The following SRPK1 variants were observed in gnomAD, a reference collection of about 807,000 sequenced individuals.
The protein encoded by SRPK1 is SFRS protein kinase 1.
In SRPK1, 52 loss-of-function variants were observed where a neutral mutation model predicts 89.5. The ratio of observed to expected loss-of-function variants is 0.58; its 90% CI spans 0.46 to 0.73. The LOEUF is 0.73. SRPK1 is among the 30% of genes least tolerant of loss of function. The probability of loss-of-function intolerance (pLI) is 0.00; values close to 1 mark genes in which losing one functional copy is unlikely to be tolerated. For missense variants in SRPK1, 603 were observed against 780.6 expected (o/e 0.77, Z 2.71); for synonymous variants, 255 against 270.2 (o/e 0.94, Z 0.55).
intron 5 of SRPK1, among the ~76,000 whole-genome samples, chr6:35,887,414 A>T (rs778006540): frequency 2.6e-5 from 4 of 152,202 alleles, no homozygotes; most frequent in Non-Finnish European, 5.9e-5. Flanking sequence ...TTCTCACTTT[A>T]TGAATAAAAA....
In SRPK1 at chr6:35,913,262, A is replaced by G. The variant is rs372895822; in HGVS notation, c.74+7206T>C. Among the ~76,000 whole-genome samples the G allele has an allele frequency of 3.3e-5, 5 of 152,350 alleles. No homozygotes were observed. The South Asian group carries it at 8.3e-4, about 25-fold the overall frequency. On this transcript the variant is annotated intron_variant, in intron 2 of 15. Coordinates refer to ENST00000373825, the MANE Select transcript of SRPK1 (RefSeq NM_003137.5). ...AACTACAGAGGAAGAAGAGAACAAA[A>G]TATTTTCTGACAAGAGAAGTTCTAG... is the stretch of plus-strand genomic sequence containing the variant.
chr6:35,911,690 G>A (rs964914524), intron 2 of SRPK1, among the ~76,000 whole-genome samples: 20 of 151,978 alleles, frequency 1.3e-4, no homozygotes, highest in Admixed American at 3.9e-4. Flanking sequence ...CTCGGCCTCC[G>A]AAGTAGCTAG....
chr6:35,860,588 A>G (rs1239851036), intron 12 of SRPK1, among the ~76,000 whole-genome samples: 1 of 152,226 alleles, frequency 6.6e-6, no homozygotes. Flanking sequence ...TTTACTTGCT[A>G]AAATATTTAT....
At chr6:35,873,733 GC>G (rs968386216) in intron 7 of SRPK1, among the ~76,000 whole-genome samples, 2 of 152,044 alleles carry the variant, frequency 1.3e-5, no homozygotes, top group African/African-American at 4.8e-5. Context: ...CAGGTGATCT[GC>G]CCGCCTCGGC....
At chr6:35,909,887 G>T (rs1222292238) in intron 2 of SRPK1, among the ~76,000 whole-genome samples, 2 of 152,192 alleles carry the variant, frequency 1.3e-5, no homozygotes, top group Non-Finnish European at 2.9e-5. Flanking sequence ...TAAGCCTGTG[G>T]AACTGTGAGT....
At position 35,896,294 on chromosome 6, in the gene SRPK1, G is replaced by T. The variant is rs529656039; in HGVS notation, c.75-5281C>A. Reference sequence around the variant, plus strand: ...TGGTATCTGCTGCAGAACTGATTGGGTGGTGTATGGCAGGGGAAAAAGTCT... The same window carrying T: ...TGGTATCTGCTGCAGAACTGATTGGTTGGTGTATGGCAGGGGAAAAAGTCT... On this transcript the variant is annotated intron_variant, in intron 2 of 15. Transcript: ENST00000373825. Among the ~76,000 whole-genome samples the T allele has an allele frequency of 2.8e-4, 42 of 152,324 alleles. 1 individual carries two copies. The highest frequency in any genetic ancestry group is 2.7e-3 in the Admixed American group (41 of 15,294).
intron 12 of SRPK1, among the ~76,000 whole-genome samples, chr6:35,864,903 A>T (rs1482487841): frequency 6.6e-6 from 1 of 152,188 alleles, no homozygotes; most frequent in Non-Finnish European, 1.5e-5. Context: ...GGAACTGGAG[A>T]TCATTATGTT....
At chr6:35,917,794 G>A (rs548992280) in intron 2 of SRPK1, among the ~76,000 whole-genome samples, 1 of 152,136 alleles carries the variant, frequency 6.6e-6, no homozygotes, top group Non-Finnish European at 1.5e-5. Flanking sequence ...TCATTTAAAC[G>A]CTTTGTTTTT....
intron 2 of SRPK1, among the ~76,000 whole-genome samples, chr6:35,913,270 T>C (rs1771012313): frequency 6.6e-6 from 1 of 152,196 alleles, no homozygotes; most frequent in Non-Finnish European, 1.5e-5. Flanking sequence ...AAATATTTTC[T>C]GACAAGAGAA....
Position 35,861,781 on chromosome 6 carries a change from G to A in SRPK1, c.1513-4413C>T, listed in dbSNP as rs2127238565. Among the ~76,000 whole-genome samples the A allele has an allele frequency of 1.3e-5, 2 of 152,336 alleles. 1 individual carries two copies. Among genetic ancestry groups the A allele is most frequent in the South Asian group, 4.1e-4 (2 of 4,824 alleles). ...TCTCCTATGCATACCTAAGACAACA[G>A]GCTTTTTTGAGACTGAGACTTGAGT... On this transcript the variant is annotated intron_variant, in intron 12 of 15. Transcript: ENST00000373825.
At position 35,833,093 on chromosome 6, in the gene SRPK1, C is replaced by T. The variant is rs536907279; in HGVS notation, c.*2211G>A. ...TTACAAAGAAAACAGACAATGCCCT[C>T]AGTAGAAAGAATAAAAATGTATTTA... On this transcript the variant is annotated 3_prime_UTR_variant, in exon 16 of 16. Transcript: ENST00000373825. 6.5e-6 allele frequency: 1 copy of T among 152,702 alleles called. No homozygotes were observed. Among genetic ancestry groups the T allele is most frequent in the East Asian group, 1.9e-4 (1 of 5,190 alleles). 9.5% of individuals were successfully genotyped at this position (152,702 alleles called of 1,614,324 possible). A position where few individuals can be genotyped will look rare whatever the true frequency, so the allele number is the denominator to read the frequency against.
Position 35,869,020 on chromosome 6 carries a change from G to C in SRPK1, c.1502C>G (p.Ala501Gly). The part of the protein sequence containing the change: ...LKVKIADLGN[A>G]CWVHKHFTED... The stretch of plus-strand genomic sequence containing the variant: ...GCAAGTTTAACTTACCACCCAACAA[G>C]CATTTCCAAGGTCAGCAATCTTCAC... Residue 501 changes from alanine (A) to glycine (G), a missense_variant, in exon 12 of 16, where the codon GCT becomes GGT. By Grantham distance (60) the Ala-to-Gly change is moderately conservative. Transcript: ENST00000373825. 1 of 1,613,592 alleles carries C rather than the reference G, an allele frequency of 6.2e-7. No homozygotes were observed. The highest frequency in any genetic ancestry group is 8.5e-7 in the Non-Finnish European group (1 of 1,179,790).
At chr6:35,899,717 T>TG (rs752952218) in intron 2 of SRPK1, among the ~76,000 whole-genome samples, 53 of 152,016 alleles carry the variant, frequency 3.5e-4, no homozygotes, top group Non-Finnish European at 6.8e-4. Flanking sequence ...AAGATTCCTT[T>TG]GGGGCCGGGC....
rs958937510 is a variant in SRPK1, at chr6:35,838,408, T to C, written c.1712A>G (p.Glu571Gly). ...CTTGCGAGGCACCTTCCCCAGAAGT[T>C]CTATGATCAATGCAATGTGATCTGT... ...RDEDHIALII[E>G]LLGKVPRKLI... Residue 571 changes from glutamate (E) to glycine (G), a missense_variant, in exon 15 of 16, where the codon GAA (glutamate) becomes GGA (glycine). Transcript: ENST00000373825. 1 of 1,582,248 alleles carries C rather than the reference T, an allele frequency of 6.3e-7. No individual in the cohort carries two copies. Among genetic ancestry groups the C allele is most frequent in the Non-Finnish European group, 8.5e-7 (1 of 1,172,044 alleles).
intron 2 of SRPK1, among the ~76,000 whole-genome samples, chr6:35,901,791 AT>A (rs35194167): frequency 0.021 from 3,164 of 152,206 alleles, 118 homozygotes; most frequent in African/African-American, 0.072. Flanking sequence ...TTCCTGAAAG[AT>A]TTTTTTCTTT....
intron 2 of SRPK1, among the ~76,000 whole-genome samples, chr6:35,908,713 C>T (rs1010788102): frequency 1.3e-5 from 2 of 152,178 alleles, no homozygotes; most frequent in Non-Finnish European, 2.9e-5. Flanking sequence ...TTCAAGCTGG[C>T]TGCTAATCAC....
chr6:35,913,811 A>T (rs890999737), intron 2 of SRPK1, among the ~76,000 whole-genome samples: 2 of 151,570 alleles, frequency 1.3e-5, no homozygotes, highest in African/African-American at 2.4e-5. Flanking sequence ...AAAAGAAAAA[A>T]AAATAAAAGA....
Position 35,869,018 on chromosome 6 carries a change from A to T in SRPK1, c.1504T>A (p.Cys502Ser). 1 of 1,613,694 alleles carries T rather than the reference A, an allele frequency of 6.2e-7. No individual in the cohort carries two copies. Among genetic ancestry groups the T allele is most frequent in the Non-Finnish European group, 8.5e-7 (1 of 1,179,804 alleles). The change falls in exon 12 of 16, where the codon TGT (cysteine) becomes AGT (serine). Residue 502 changes from cysteine to serine, a missense_variant. Coordinates refer to ENST00000373825, the MANE Select transcript of SRPK1 (RefSeq NM_003137.5). ...KVKIADLGNACWVHKHFTEDI... is the reference protein window; with the variant it reads ...KVKIADLGNASWVHKHFTEDI... The stretch of plus-strand genomic sequence containing the variant: ...AGGCAAGTTTAACTTACCACCCAAC[A>T]AGCATTTCCAAGGTCAGCAATCTTC...
chr6:35,911,643 C>G (rs1770961745), intron 2 of SRPK1, among the ~76,000 whole-genome samples: 1 of 151,814 alleles, frequency 6.6e-6, no homozygotes, highest in Non-Finnish European at 1.5e-5. Context: ...GTTGCCCAGG[C>G]TGGCCTTGAA....
Sources: gnomAD v4.1 joint callset for allele counts (sites outside exome capture counted in the v4.1 genomes callset) on GRCh38, gnomAD v4.1.1 for gene constraint, MANE v1.5 for transcripts, NCBI Gene and HGNC (gene_info 2026-07-23, HGNC 2026-07-21) for gene names.